Variants in BFSP1 observed in about 807,000 individuals in gnomAD.
BFSP1 encodes filensin.
BFSP1 carries 38 observed loss-of-function variants against 43.9 expected under a neutral mutation model. The ratio of observed to expected loss-of-function variants is 0.87; its 90% CI spans 0.67 to 1.14. The LOEUF (loss-of-function observed/expected upper bound fraction) is 1.14, where lower values mean the gene tolerates loss of function less well. Among genes scored for constraint, BFSP1 ranks in the 50% most tolerant of loss-of-function variants. BFSP1 has a pLI of 0.00. For missense variants in BFSP1, 850 were observed against 875.1 expected (o/e 0.97, Z 0.36); for synonymous variants, 352 against 354.8 (o/e 0.99, Z 0.09).
chr20:17,561,981 C>T (rs115885046), upstream of BFSP1, among the ~76,000 whole-genome samples: 2 of 151,868 alleles, frequency 1.3e-5, no homozygotes, highest in Non-Finnish European at 2.9e-5. Context: ...AGTATGACGG[C>T]GCGATCTCGG....
chr20:17,566,590 T>C (rs1177562439), intron 1 of BFSP1, among the ~76,000 whole-genome samples: 5 of 152,178 alleles, frequency 3.3e-5, no homozygotes, highest in Non-Finnish European at 5.9e-5. Context: ...GAGAGCCCAC[T>C]TCCTGGTTCA....
In BFSP1 at chr20:17,500,573, G is replaced by A. The variant is rs2033772416; in HGVS notation, c.736-1533C>T. Among the ~76,000 whole-genome samples the A allele has an allele frequency of 2.0e-5, 3 of 152,214 alleles. No homozygotes were observed. In the South Asian group the frequency reaches 6.2e-4, roughly 32 times the overall value. On this transcript the variant is annotated intron_variant, in intron 5 of 7. Transcript: ENST00000377873. Reference sequence around the variant, plus strand: ...TGTACAACACATAATACTTGATGATGATAATAAACAACTATGTTACTGGTT... The same window carrying A: ...TGTACAACACATAATACTTGATGATAATAATAAACAACTATGTTACTGGTT...
intron 2 of BFSP1, among the ~76,000 whole-genome samples, chr20:17,518,746 AG>A (rs1311604430): frequency 6.6e-6 from 1 of 152,226 alleles, no homozygotes; most frequent in Non-Finnish European, 1.5e-5. Flanking sequence ...ACGGAAACCA[AG>A]GCAGTTCCAG....
chr20:17,557,377 A>G (rs1046319521), intron 1 of BFSP1, among the ~76,000 whole-genome samples: 6 of 152,198 alleles, frequency 3.9e-5, no homozygotes, highest in African/African-American at 1.4e-4. Context: ...CTGGTGTTGC[A>G]GACCATGGGG....
chr20:17,559,124 G>C (rs780119955), upstream of BFSP1, among the ~76,000 whole-genome samples: 45 of 152,052 alleles, frequency 3.0e-4, no homozygotes, highest in Admixed American at 1.6e-3. Context: ...AGCTAATGCT[G>C]TTTGATCTCT....
At chr20:17,555,910 T>C (rs1288046634) in intron 1 of BFSP1, among the ~76,000 whole-genome samples, 1 of 152,138 alleles carries the variant, frequency 6.6e-6, no homozygotes, top group Non-Finnish European at 1.5e-5. Context: ...CCATCAAATA[T>C]TTAAAATATA....
At chr20:17,537,993 T>C (rs142422514) in intron 1 of BFSP1, among the ~76,000 whole-genome samples, 2,269 of 150,584 alleles carry the variant, frequency 0.015, 28 homozygotes, top group Admixed American at 0.022. Context: ...TGGTGGCACA[T>C]GTCTGTAGTT....
chr20:17,494,366 G>T lies in BFSP1; in HGVS notation c.1706C>A (p.Ser569Tyr), dbSNP rs1399219278. 1 of 1,614,184 alleles carries T rather than the reference G, an allele frequency of 6.2e-7. No individual in the cohort carries two copies. Among genetic ancestry groups the T allele is most frequent in the Admixed American group, 1.7e-5 (1 of 60,014 alleles). Reference protein sequence around the residue: ...KREGEERDEESRRPCAMVTPG... With the variant: ...KREGEERDEEYRRPCAMVTPG... Reference sequence around the variant, plus strand: ...TGTGACCATGGCACAGGGTCTCCTGGACTCTTCGTCCCGCTCCTCACCCTC... The same window carrying T: ...TGTGACCATGGCACAGGGTCTCCTGTACTCTTCGTCCCGCTCCTCACCCTC... Residue 569 changes from serine (S) to tyrosine (Y), a missense_variant, in exon 8 of 8, where the codon TCC becomes TAC. Physicochemically the swap from Ser to Tyr is moderately radical, Grantham distance 144 (BLOSUM62 -2). Transcript: ENST00000377873.
rs144515006 is a variant in BFSP1, at chr20:17,553,794, T to TAC, written c.2+4892_2+4893dup. 5.8e-4 allele frequency among the ~76,000 whole-genome samples: 61 copies of TAC among 104,998 alleles called. 1 individual carries two copies. Among genetic ancestry groups the TAC allele is most frequent in the Middle Eastern group, 4.5e-3 (1 of 224 alleles). The allele number at this position is 104,998 out of a possible 152,430, so 68.9% of individuals were successfully genotyped here. A position where few individuals can be genotyped will look rare whatever the true frequency, so the allele number is the denominator to read the frequency against. On this transcript the variant is annotated intron_variant, in intron 1 of 7. Coordinates refer to the BFSP1 transcript ENST00000377868. ...ATATAAACATATATATATATATATATACACACACACACACACACACACACA... is the reference window on the plus strand; with the variant it reads ...ATATAAACATATATATATATATATATACACACACACACACACACACACACACA...
intron 5 of BFSP1, among the ~76,000 whole-genome samples, chr20:17,501,597 CAAA>C (rs11476559): frequency 4.3e-5 from 3 of 70,230 alleles, no homozygotes; most frequent in Admixed American, 2.8e-4. Context: ...GAGACTCTGT[CAAA>C]AAAAAAAAAA....
upstream of BFSP1, among the ~76,000 whole-genome samples, chr20:17,534,737 G>A (rs2034599436): frequency 1.3e-5 from 2 of 152,182 alleles, no homozygotes; most frequent in South Asian, 4.1e-4. Context: ...ATGCAGTATA[G>A]GGCCGAGTGT....
At chr20:17,560,821 T>A (rs2035060620), upstream of BFSP1, 1 of 151,970 alleles carries the variant, frequency 6.6e-6, no homozygotes, top group Non-Finnish European at 1.5e-5. Context: ...GAAAAATGAG[T>A]CCCAACCAGA....
chr20:17,567,729 C>T lies in BFSP1; in HGVS notation n.50+1442G>A, dbSNP rs1455687032. On this transcript the variant is annotated intron_variant and non_coding_transcript_variant, in intron 1 of 6. Transcript: ENST00000473415. ...ATACAAAATTAGCCGGGTGTGGTGGCGCATGCCTGTAATCCCAGCTACTCG... is the reference window on the plus strand; with the variant it reads ...ATACAAAATTAGCCGGGTGTGGTGGTGCATGCCTGTAATCCCAGCTACTCG... Among the ~76,000 whole-genome samples the T allele has an allele frequency of 3.3e-5, 5 of 151,950 alleles. No individual in the cohort carries two copies. In the East Asian group the frequency reaches 5.8e-4, roughly 18 times the overall value.
At position 17,498,951 on chromosome 20, in the gene BFSP1, G is replaced by A. The variant is rs1465098956; in HGVS notation, c.825C>T (p.Arg275=). 6.2e-7 allele frequency: 1 copy of A among 1,614,054 alleles called. No homozygotes were observed. Among genetic ancestry groups the A allele is most frequent in the Non-Finnish European group, 8.5e-7 (1 of 1,180,036 alleles). Residue 275 remains arginine (R), a synonymous_variant, in exon 6 of 8, where the codon CGC becomes CGT. Transcript: ENST00000377873. ...QLYNEQIETL[R]KEIEETERVL... ...CCCGCTCTGTCTCCTCAATCTCCTTGCGCAGTGTCTCAATCTGCTCGTTAT... is the reference window on the plus strand; with the variant it reads ...CCCGCTCTGTCTCCTCAATCTCCTTACGCAGTGTCTCAATCTGCTCGTTAT...
At chr20:17,550,462 CTTTTTT>C (rs66786068) in intron 1 of BFSP1, among the ~76,000 whole-genome samples, 136 of 131,898 alleles carry the variant, frequency 1.0e-3, no homozygotes, top group East Asian at 6.8e-3. Flanking sequence ...GACTATAATC[CTTTTTT>C]TTTTTTTTTT....
intron 1 of BFSP1, among the ~76,000 whole-genome samples, chr20:17,557,160 A>G (rs1401127519): frequency 6.6e-6 from 1 of 152,228 alleles, no homozygotes; most frequent in Non-Finnish European, 1.5e-5. Context: ...GATGAGTGGA[A>G]AAGCAAAGGG....
chr20:17,493,981 G>T lies in BFSP1; in HGVS notation c.*93C>A. The stretch of plus-strand genomic sequence containing the variant: ...GTCAACTATGGTCTAATCCAAACAG[G>T]AACCCTCACCCTTTTATCATTTGCT... On this transcript the variant is annotated 3_prime_UTR_variant, in exon 8 of 8. Transcript: ENST00000377873. 1 of 1,230,536 alleles carries T rather than the reference G, an allele frequency of 8.1e-7. No individual in the cohort carries two copies. The highest frequency in any genetic ancestry group is 1.5e-5 in the South Asian group (1 of 66,730). 76.2% of individuals were successfully genotyped at this position (1,230,536 alleles called of 1,614,324 possible). A position where few individuals can be genotyped will look rare whatever the true frequency, so the allele number is the denominator to read the frequency against.
chr20:17,512,900 C>A (rs1308695726), intron 3 of BFSP1, among the ~76,000 whole-genome samples: 1 of 152,158 alleles, frequency 6.6e-6, no homozygotes. Flanking sequence ...ACAGGGATAA[C>A]TATCTGTAGG....
Position 17,494,913 on chromosome 20 carries a change from C to T in BFSP1, c.1159G>A (p.Glu387Lys), listed in dbSNP as rs779003224. The T allele has an allele frequency of 6.2e-7, 1 of 1,614,194 alleles. No homozygotes were observed. The highest frequency in any genetic ancestry group is 8.5e-7 in the Non-Finnish European group (1 of 1,180,030). The part of the protein sequence containing the change: ...ITKDKTNGAL[E>K]DAPLKGLEDT... The stretch of plus-strand genomic sequence containing the variant: ...TCCAAACCTTTTAATGGTGCATCTT[C>T]CAGAGCTCCGTTGGTTTTGTCTTTT... The change falls in exon 8 of 8, where the codon GAA becomes AAA. Residue 387 changes from glutamate to lysine, a missense_variant. Transcript: ENST00000377873.
Sources: allele counts gnomAD v4.1 joint callset (sites outside exome capture counted in the v4.1 genomes callset), GRCh38; gene constraint gnomAD v4.1.1; transcripts MANE v1.5; gene names NCBI Gene and HGNC (gene_info 2026-07-23, HGNC 2026-07-21).